SHANK2: variants seen among roughly 807,000 people sequenced by gnomAD.
The protein encoded by SHANK2 is SH3 and multiple ankyrin repeat domains protein 2.
Under a neutral mutation model 133.7 loss-of-function variants are expected in SHANK2, and 43 were observed. The ratio of observed to expected loss-of-function variants is 0.32; its 90% CI spans 0.25 to 0.41. The LOEUF (loss-of-function observed/expected upper bound fraction) is 0.41. SHANK2 is among the 10% of genes least tolerant of loss of function. The pLI is 1.00. For synonymous variants in SHANK2, 1,017 were observed against 952.8 expected (o/e 1.07, Z -1.24); for missense variants, 1,994 against 2,235.8 (o/e 0.89, Z 2.18).
chr11:70,826,478 G>A (rs1948642179), intron 11 of SHANK2: 1 of 470,896 alleles, frequency 2.1e-6, no homozygotes, highest in South Asian at 1.5e-5. Context: ...TTCCTTCTTG[G>A]TGAAGGCATT....
At chr11:70,498,779 A>C (rs2059008301) in intron 21 of SHANK2, among the ~76,000 whole-genome samples, 1 of 152,166 alleles carries the variant, frequency 6.6e-6, no homozygotes, top group African/African-American at 2.4e-5. Context: ...ACAGTTCTGG[A>C]GGCTGGAAGT....
chr11:70,884,656 C>T (rs550166612), intron 11 of SHANK2, among the ~76,000 whole-genome samples: 2 of 152,176 alleles, frequency 1.3e-5, no homozygotes, highest in East Asian at 1.9e-4. Context: ...TCCGGTCCCC[C>T]CCACCGAGTG....
chr11:70,576,280 A>C (rs537207097), intron 17 of SHANK2, among the ~76,000 whole-genome samples: 1 of 152,276 alleles, frequency 6.6e-6, no homozygotes, highest in Admixed American at 6.5e-5. Flanking sequence ...TGCGAGGGAC[A>C]GCAAGCGGCT....
In SHANK2 at chr11:70,818,296, T is replaced by C. The variant is rs111813944; in HGVS notation, c.1493+2068A>G. ...AAACACAAAAATGCATGCACATACA[T>C]ACACAGGCATACACAAACACATACA... On this transcript the variant is annotated intron_variant, in intron 12 of 25. Transcript: ENST00000601538. Among the ~76,000 whole-genome samples, 221 of 152,168 alleles carry C rather than the reference T, an allele frequency of 1.5e-3. 3 individuals carry two copies. The highest frequency in any genetic ancestry group is 4.9e-3 in the African/African-American group (202 of 41,494).
In SHANK2 at chr11:71,252,537, C is replaced by G. The variant is rs1423768903; in HGVS notation, c.-225G>C. On this transcript the variant is annotated 5_prime_UTR_variant, in exon 1 of 26. Coordinates refer to ENST00000601538, the MANE Select transcript of SHANK2 (RefSeq NM_012309.5). The surrounding 1 kb of genome is among the most constrained non-coding windows in gnomAD (Gnocchi z 6.3). ...CGCCGCGCCCAGCCCCGCCGGAGCT[C>G]AGGAGCCGCCGCCGCGGCTCAGGTG... The G allele has an allele frequency of 1.3e-5, 2 of 150,850 alleles. No individual in the cohort carries two copies. The highest frequency in any genetic ancestry group is 3.9e-4 in the East Asian group (2 of 5,118). The allele number at this position is 150,850 out of a possible 1,614,324, so 9.3% of individuals were successfully genotyped here.
chr11:70,809,815 A>G (rs1205914633), intron 12 of SHANK2, among the ~76,000 whole-genome samples: 2 of 152,156 alleles, frequency 1.3e-5, no homozygotes, highest in African/African-American at 4.8e-5. Context: ...CTCTGAGGAC[A>G]TTGAGAGATG....
intron 2 of SHANK2, among the ~76,000 whole-genome samples, chr11:71,200,712 C>T (rs1591013970): frequency 6.6e-6 from 1 of 151,988 alleles, no homozygotes; most frequent in Non-Finnish European, 1.5e-5. Flanking sequence ...ATTCTCTTCC[C>T]ACTGCTGTCA....
Position 70,486,466 on chromosome 11 carries a change from T to G in SHANK2, c.3827A>C (p.Gln1276Pro), listed in dbSNP as rs782653520. 4.3e-6 allele frequency: 7 copies of G among 1,614,144 alleles called. No homozygotes were observed. Among genetic ancestry groups the G allele is most frequent in the Non-Finnish European group, 5.9e-6 (7 of 1,180,010 alleles). Residue 1276 changes from glutamine to proline, a missense_variant, in exon 25 of 26, where the codon CAG becomes CCG. Coordinates refer to ENST00000601538, the MANE Select transcript of SHANK2 (RefSeq NM_012309.5). This position sits in a 1 kb window ranked among gnomAD's most constrained non-coding sequence, Gnocchi z 8.0. The stretch of plus-strand genomic sequence containing the variant: ...GGTCTCGTACTTGTTCTCCGTCTCC[T>G]GCCGCCTCAGGGGTCCCCGGGTGTT... ...RQNTRGPLRRQETENKYETDL... is the reference protein window; with the variant it reads ...RQNTRGPLRRPETENKYETDL...
At chr11:71,194,999 A>C (rs1420239891) in intron 2 of SHANK2, among the ~76,000 whole-genome samples, 1 of 152,250 alleles carries the variant, frequency 6.6e-6, no homozygotes, top group Admixed American at 6.5e-5. Flanking sequence ...GAGAACAGAC[A>C]TGAAGAAAGA....
chr11:71,180,789 G>T (rs1373188370), intron 2 of SHANK2, among the ~76,000 whole-genome samples: 1 of 151,964 alleles, frequency 6.6e-6, no homozygotes, highest in African/African-American at 2.4e-5. Flanking sequence ...AAGAAGGACG[G>T]AATTTTTACC....
chr11:70,738,460 G>A (rs1396384475), intron 14 of SHANK2, among the ~76,000 whole-genome samples: 1 of 152,242 alleles, frequency 6.6e-6, no homozygotes, highest in Non-Finnish European at 1.5e-5. Context: ...GGCTGAGGCT[G>A]CACAGGAAGA....
At chr11:70,824,061 C>T (rs932055530) in intron 11 of SHANK2, among the ~76,000 whole-genome samples, 3 of 147,762 alleles carry the variant, frequency 2.0e-5, no homozygotes, top group South Asian at 2.4e-4. Context: ...ATTGGCAGGG[C>T]TCACAGGACA....
intron 1 of SHANK2, among the ~76,000 whole-genome samples, chr11:71,244,113 G>A (rs1555124724): frequency 1.3e-5 from 2 of 152,128 alleles, no homozygotes; most frequent in Non-Finnish European, 2.9e-5. Flanking sequence ...CCACTCTCCT[G>A]TCTACACTTG....
chr11:71,167,692 G>A (rs1331118348), intron 2 of SHANK2, among the ~76,000 whole-genome samples: 7 of 145,006 alleles, frequency 4.8e-5, no homozygotes, highest in Non-Finnish European at 6.1e-5. Flanking sequence ...CTCCCTCCTG[G>A]ACGGAGCGGC....
chr11:71,074,221 G>A (rs942539483), intron 9 of SHANK2, among the ~76,000 whole-genome samples: 175 of 152,348 alleles, frequency 1.1e-3, no homozygotes, highest in Non-Finnish European at 1.6e-3. Context: ...TGGCTGGGGT[G>A]CGTGCCACTG....
chr11:71,160,506 C>T (rs2135462008), intron 2 of SHANK2, among the ~76,000 whole-genome samples: 1 of 152,296 alleles, frequency 6.6e-6, no homozygotes, highest in South Asian at 2.1e-4. Context: ...TTCCCATCTC[C>T]CTGCAACCAA....
In SHANK2 at chr11:70,907,899, C is replaced by T. The variant is rs137889899; in HGVS notation, c.1108-11332G>A. 60 of 453,648 alleles carry T rather than the reference C, an allele frequency of 1.3e-4. No homozygotes were observed. In the East Asian group the frequency reaches 3.0e-3, roughly 23 times the overall value. 28.1% of individuals were successfully genotyped at this position (453,648 alleles called of 1,614,324 possible). On this transcript the variant is annotated intron_variant, in intron 10 of 25. Coordinates refer to ENST00000601538, the MANE Select transcript of SHANK2 (RefSeq NM_012309.5). ...GGCAGATCACTTAAGGTCAAGAGTT[C>T]GAGACCAGTCTGGCCAACATAGCAA...
chr11:70,606,508 C>CAA (rs60348645), intron 17 of SHANK2, among the ~76,000 whole-genome samples: 12 of 55,070 alleles, frequency 2.2e-4, no homozygotes, highest in African/African-American at 8.2e-4. Context: ...AACCTTGACT[C>CAA]AAAAAAAAAA....
intron 6 of SHANK2, among the ~76,000 whole-genome samples, chr11:71,097,241 T>A (rs1490478955): frequency 1.3e-5 from 2 of 152,110 alleles, no homozygotes; most frequent in African/African-American, 4.8e-5. Flanking sequence ...CCACCACATT[T>A]GCAAAGAGCA....
Sources: allele counts gnomAD v4.1 joint callset (sites outside exome capture counted in the v4.1 genomes callset), GRCh38; gene constraint gnomAD v4.1.1; non-coding constraint Gnocchi (gnomAD v3.1); transcripts MANE v1.5; gene names NCBI Gene and HGNC (gene_info 2026-07-23, HGNC 2026-07-21).